KCNMB2: variants seen among roughly 807,000 people sequenced by gnomAD.
KCNMB2 encodes potassium calcium-activated channel subfamily M regulatory beta subunit 2.
In KCNMB2, 9 loss-of-function variants were observed where a neutral mutation model predicts 24.5. The observed-to-expected ratio is 0.37, with a 90% CI of 0.22 to 0.64. The LOEUF is 0.64. Ranked by LOEUF, KCNMB2 falls within the 30% of genes least tolerant of loss-of-function variation. The pLI is 0.63. For synonymous variants in KCNMB2, 109 were observed against 104.4 expected, an observed-to-expected ratio of 1.04 and a Z score of -0.27; for missense variants, 226 against 284.3, an observed-to-expected ratio of 0.79 and a Z score of 1.47.
intron 2 of KCNMB2, among the ~76,000 whole-genome samples, chr3:178,825,045 G>A (rs1036425560): frequency 6.6e-6 from 1 of 152,138 alleles, no homozygotes; most frequent in African/African-American, 2.4e-5. Context: ...TCAATCTCAA[G>A]CCAACAAAGC....
At chr3:178,599,056 C>T (rs557420773) in intron 1 of KCNMB2, among the ~76,000 whole-genome samples, 9 of 152,120 alleles carry the variant, frequency 5.9e-5, no homozygotes, top group Non-Finnish European at 7.4e-5. Flanking sequence ...AGGTCAGTTT[C>T]GTGTTTTACA....
chr3:178,786,659 GCA>G (rs1713111382), intron 1 of KCNMB2, among the ~76,000 whole-genome samples: 1 of 151,928 alleles, frequency 6.6e-6, no homozygotes, highest in Non-Finnish European at 1.5e-5. Flanking sequence ...AATGGGTGCA[GCA>G]CACCAACATG....
intron 1 of KCNMB2, among the ~76,000 whole-genome samples, chr3:178,701,674 T>TC (rs1386917237): frequency 6.6e-6 from 1 of 152,094 alleles, no homozygotes; most frequent in Admixed American, 6.5e-5. Flanking sequence ...AAAATGCTCA[T>TC]CATCACTGGC....
intron 1 of KCNMB2, among the ~76,000 whole-genome samples, chr3:178,553,949 G>A (rs1368416997): frequency 2.0e-5 from 3 of 152,056 alleles, no homozygotes; most frequent in Non-Finnish European, 4.4e-5. Context: ...CAAAACCATT[G>A]AAAAGAAATA....
At chr3:178,666,012 G>A (rs1720705586) in intron 1 of KCNMB2, among the ~76,000 whole-genome samples, 1 of 152,088 alleles carries the variant, frequency 6.6e-6, no homozygotes, top group Non-Finnish European at 1.5e-5. Flanking sequence ...GGTCACATGA[G>A]GCAACTTTGG....
chr3:178,600,348 CT>C (rs1337575044), intron 1 of KCNMB2, among the ~76,000 whole-genome samples: 1 of 152,148 alleles, frequency 6.6e-6, no homozygotes, highest in African/African-American at 2.4e-5. Flanking sequence ...CATGTCTTGG[CT>C]ATTTTGAATA....
rs1721577157 is a variant in KCNMB2 at position 178,689,174 on chromosome 3, TCTC to T, written c.-67-118165_-67-118163del. On this transcript the variant is annotated intron_variant, in intron 1 of 4. Transcript: ENST00000452583. Reference sequence around the variant, plus strand: ...TTGTTATAGTGGATTTGTGTCATTCTCTCCTCAAAAAAATGTTAGTTAAAAAAA... The same window carrying T: ...TTGTTATAGTGGATTTGTGTCATTCTCTCAAAAAAATGTTAGTTAAAAAAA... Among the ~76,000 whole-genome samples the T allele has an allele frequency of 4.6e-5, 7 of 151,338 alleles. No individual in the cohort carries two copies. The South Asian group carries it at 1.5e-3, about 32-fold the overall frequency.
chr3:178,567,761 TTAA>T (rs1716580150), intron 1 of KCNMB2, among the ~76,000 whole-genome samples: 1 of 152,190 alleles, frequency 6.6e-6, no homozygotes, highest in South Asian at 2.1e-4. Context: ...CTTTATGTTC[TTAA>T]TGATGACACT....
At chr3:178,748,869 A>G (rs190870077) in intron 1 of KCNMB2, 3 of 152,314 alleles carry the variant, frequency 2.0e-5, no homozygotes. Context: ...GTTCTCTGCT[A>G]AGGGAAGGAA....
At chr3:178,704,076 T>G (rs903797988) in intron 1 of KCNMB2, among the ~76,000 whole-genome samples, 3 of 152,156 alleles carry the variant, frequency 2.0e-5, no homozygotes, top group African/African-American at 7.2e-5. Context: ...TTGAAAGATA[T>G]GGCATTAGAA....
chr3:178,556,549 C>A (rs570602325), intron 1 of KCNMB2, among the ~76,000 whole-genome samples: 2 of 152,042 alleles, frequency 1.3e-5, no homozygotes, highest in African/African-American at 4.8e-5. Context: ...GGATTACAGG[C>A]GCCTGCCACC....
At chr3:178,617,745 G>A (rs763955963) in intron 1 of KCNMB2, among the ~76,000 whole-genome samples, 1 of 151,560 alleles carries the variant, frequency 6.6e-6, no homozygotes, top group Non-Finnish European at 1.5e-5. Flanking sequence ...AAAAAAATTA[G>A]CTGAGTGTGG....
chr3:178,797,256 A>G (rs536572877), intron 1 of KCNMB2, among the ~76,000 whole-genome samples: 1 of 152,290 alleles, frequency 6.6e-6, no homozygotes, highest in South Asian at 2.1e-4. Flanking sequence ...AGCTTCCTGC[A>G]AAGAAAAGCC....
At chr3:178,740,136 T>A (rs1723447961) in intron 1 of KCNMB2, among the ~76,000 whole-genome samples, 1 of 152,126 alleles carries the variant, frequency 6.6e-6, no homozygotes, top group African/African-American at 2.4e-5. Context: ...CTTTTTTTTT[T>A]CAGACAGAGT....
At chr3:178,746,622 T>C (rs1216507943) in intron 1 of KCNMB2, among the ~76,000 whole-genome samples, 2 of 152,220 alleles carry the variant, frequency 1.3e-5, no homozygotes, top group Non-Finnish European at 2.9e-5. Context: ...CAAACTTCTA[T>C]GCTCTGCTCC....
At position 178,726,888 on chromosome 3, in the gene KCNMB2, T is replaced by C. The variant is rs746375405; in HGVS notation, c.-67-80455T>C. Among the ~76,000 whole-genome samples the C allele has an allele frequency of 5.3e-5, 8 of 152,226 alleles. No homozygotes were observed. In the South Asian group the frequency reaches 1.7e-3, roughly 32 times the overall value. ...TTTCTCCCATAATTTATTGAAAAGA[T>C]ATATTGTCTCTTTCATTACAGTTTC... On this transcript the variant is annotated intron_variant, in intron 1 of 4. Transcript: ENST00000452583.
At chr3:178,565,807 A>G (rs1716498007) in intron 1 of KCNMB2, among the ~76,000 whole-genome samples, 1 of 152,186 alleles carries the variant, frequency 6.6e-6, no homozygotes, top group African/African-American at 2.4e-5. Context: ...CATCCTCACA[A>G]TATAAATCTC....
intron 1 of KCNMB2, among the ~76,000 whole-genome samples, chr3:178,797,936 T>G (rs886383178): frequency 6.2e-5 from 9 of 145,018 alleles, no homozygotes; most frequent in African/African-American, 2.4e-4. Context: ...GCTCTCTGCT[T>G]GCCTGTTGTT....
intron 2 of KCNMB2, among the ~76,000 whole-genome samples, chr3:178,824,311 C>A (rs1714746059): frequency 6.6e-6 from 1 of 152,166 alleles, no homozygotes; most frequent in Non-Finnish European, 1.5e-5. Context: ...TGTCATTGAG[C>A]TGTAGCTCCC....
Sources: allele counts gnomAD v4.1 joint callset (sites outside exome capture counted in the v4.1 genomes callset), GRCh38; gene constraint gnomAD v4.1.1; transcripts MANE v1.5; gene names NCBI Gene and HGNC (gene_info 2026-07-23, HGNC 2026-07-21).